NRXN1: variants seen among roughly 807,000 people sequenced by gnomAD.
NRXN1 encodes the protein neurexin-1.
NRXN1 carries 39 observed loss-of-function variants against 150.9 expected under a neutral mutation model. The ratio of observed to expected loss-of-function variants is 0.26; its 90% CI spans 0.20 to 0.34. NRXN1 has a LOEUF of 0.34. NRXN1 is among the 10% of genes least tolerant of loss of function. NRXN1 has a pLI of 1.00. For synonymous variants in NRXN1, 924 were observed against 757.0 expected (o/e 1.22, Z -3.62); for missense variants, 1,815 against 1,949.9 (o/e 0.93, Z 1.30).
chr2:50,636,572 T>C (rs1285166873), intron 5 of NRXN1, among the ~76,000 whole-genome samples: 1 of 152,208 alleles, frequency 6.6e-6, no homozygotes, highest in Non-Finnish European at 1.5e-5. Flanking sequence ...GGCAACATGC[T>C]AGAGTTAAAA....
At chr2:50,394,112 T>G (rs2081912453) in intron 17 of NRXN1, among the ~76,000 whole-genome samples, 1 of 152,156 alleles carries the variant, frequency 6.6e-6, no homozygotes, top group Non-Finnish European at 1.5e-5. Flanking sequence ...TCTGTTATTT[T>G]GTGACCTCCA....
intron 5 of NRXN1, among the ~76,000 whole-genome samples, chr2:50,863,140 G>C (rs958483838): frequency 2.0e-5 from 3 of 151,916 alleles, no homozygotes; most frequent in African/African-American, 2.4e-5. Context: ...TTATAAAGGG[G>C]TTTAGAAAGT....
At chr2:50,886,110 G>A (rs1435984706) in intron 5 of NRXN1, among the ~76,000 whole-genome samples, 2 of 151,146 alleles carry the variant, frequency 1.3e-5, no homozygotes, top group Non-Finnish European at 3.0e-5. Flanking sequence ...TCCTTTTTAA[G>A]TAGTCTACTG....
chr2:50,133,912 T>C (rs547088871), intron 18 of NRXN1, among the ~76,000 whole-genome samples: 22 of 152,314 alleles, frequency 1.4e-4, no homozygotes, highest in Non-Finnish European at 1.6e-4. Context: ...AAACCTCCAG[T>C]GAAGCAGAAC....
chr2:50,473,265 A>AT (rs2089690656), intron 15 of NRXN1, among the ~76,000 whole-genome samples: 1 of 151,698 alleles, frequency 6.6e-6, no homozygotes, highest in Non-Finnish European at 1.5e-5. Flanking sequence ...TATTTTTCTA[A>AT]TTTTATTGCA....
In NRXN1 at chr2:50,531,657, A is replaced by G. The variant is rs1251698562; in HGVS notation, c.2144-227T>C. Among the ~76,000 whole-genome samples the G allele has an allele frequency of 2.6e-5, 4 of 152,128 alleles. No individual in the cohort carries two copies. The South Asian group carries it at 6.2e-4, about 24-fold the overall frequency. On this transcript the variant is annotated intron_variant, in intron 10 of 22. Coordinates refer to ENST00000401669, the MANE Select transcript of NRXN1 (RefSeq NM_001330078.2). ...GCTAAAGCCCAGAAACAGAGATATC[A>G]GCAGTTCCTTTTTTTTTGTTCCCAG...
intron 17 of NRXN1, among the ~76,000 whole-genome samples, chr2:50,392,705 A>T (rs980315017): frequency 4.6e-5 from 7 of 152,150 alleles, no homozygotes; most frequent in Non-Finnish European, 1.0e-4. Flanking sequence ...TGATAAATAC[A>T]TGTTTCATAC....
chr2:50,945,045 A>G (rs1441795461), intron 2 of NRXN1, among the ~76,000 whole-genome samples: 1 of 152,208 alleles, frequency 6.6e-6, no homozygotes, highest in Non-Finnish European at 1.5e-5. Flanking sequence ...TCAGACCATG[A>G]TCTAGATGAG....
chr2:50,564,745 G>T (rs187476862), intron 8 of NRXN1, among the ~76,000 whole-genome samples: 2 of 152,240 alleles, frequency 1.3e-5, no homozygotes, highest in African/African-American at 2.4e-5. Flanking sequence ...AGAGACCCCA[G>T]GTTGAGAACT....
chr2:50,481,367 T>A (rs1223153674), intron 15 of NRXN1, among the ~76,000 whole-genome samples: 2 of 152,252 alleles, frequency 1.3e-5, no homozygotes, highest in South Asian at 4.1e-4. Flanking sequence ...TGCATAATAA[T>A]GGAGTAATCT....
At chr2:50,344,881 C>T (rs943168591) in intron 17 of NRXN1, among the ~76,000 whole-genome samples, 3 of 152,172 alleles carry the variant, frequency 2.0e-5, no homozygotes, top group Admixed American at 1.3e-4. Flanking sequence ...CCACCTGCTC[C>T]ATACACCCAT....
chr2:50,216,750 A>G (rs1166611955), intron 18 of NRXN1, among the ~76,000 whole-genome samples: 1 of 152,072 alleles, frequency 6.6e-6, no homozygotes, highest in African/African-American at 2.4e-5. Context: ...AGTTCAACAC[A>G]AGTTTTAATG....
At chr2:50,220,742 G>T (rs990054850) in intron 18 of NRXN1, among the ~76,000 whole-genome samples, 2 of 151,888 alleles carry the variant, frequency 1.3e-5, no homozygotes, top group African/African-American at 4.8e-5. Flanking sequence ...ATGTATATCA[G>T]ATTTTTTTTC....
At chr2:50,504,493 G>A (rs1381015453) in intron 13 of NRXN1, among the ~76,000 whole-genome samples, 1 of 152,088 alleles carries the variant, frequency 6.6e-6, no homozygotes, top group African/African-American at 2.4e-5. Context: ...AGTAGTAAAG[G>A]TATAAGGGTA....
At chr2:50,354,736 A>C (rs1415467993) in intron 17 of NRXN1, among the ~76,000 whole-genome samples, 1 of 151,850 alleles carries the variant, frequency 6.6e-6, no homozygotes, top group Non-Finnish European at 1.5e-5. Flanking sequence ...CCATAACAAA[A>C]CTAAACTAAA....
At chr2:51,000,950 C>A (rs1481437646) in intron 2 of NRXN1, among the ~76,000 whole-genome samples, 1 of 151,646 alleles carries the variant, frequency 6.6e-6, no homozygotes, top group Non-Finnish European at 1.5e-5. Context: ...CCTTGTCAGA[C>A]CAGGAACAAA....
chr2:50,407,524 C>T (rs922275876), intron 17 of NRXN1, among the ~76,000 whole-genome samples: 1 of 152,034 alleles, frequency 6.6e-6, no homozygotes, highest in African/African-American at 2.4e-5. Flanking sequence ...AAATTTTATC[C>T]CCAATATGGC....
intron 18 of NRXN1, among the ~76,000 whole-genome samples, chr2:50,220,361 T>C (rs1364168121): frequency 2.6e-5 from 4 of 151,648 alleles, no homozygotes; most frequent in Non-Finnish European, 5.9e-5. Flanking sequence ...ATGCCGTGAG[T>C]CTTAAAACAG....
At chr2:50,368,981 G>C (rs1435577235) in intron 17 of NRXN1, among the ~76,000 whole-genome samples, 2 of 151,926 alleles carry the variant, frequency 1.3e-5, no homozygotes, top group African/African-American at 4.8e-5. Context: ...TTAATTGTCA[G>C]CCAAGAAAAC....
Sources: gnomAD v4.1 joint callset for allele counts (sites outside exome capture counted in the v4.1 genomes callset) on GRCh38, gnomAD v4.1.1 for gene constraint, MANE v1.5 for transcripts, NCBI Gene and HGNC (gene_info 2026-07-23, HGNC 2026-07-21) for gene names.